ZZEF1: variants seen among roughly 807,000 people sequenced by gnomAD.
The protein encoded by ZZEF1 is zinc finger ZZ-type and EF-hand domain-containing protein 1.
A neutral mutation model predicts 342.8 loss-of-function variants in ZZEF1; 157 were observed. That is an observed-to-expected ratio of 0.46 (90% CI 0.40 to 0.52). The LOEUF (loss-of-function observed/expected upper bound fraction) is 0.52, where lower values mean the gene tolerates loss of function less well. Among genes scored for constraint, ZZEF1 ranks in the 20% least tolerant of loss-of-function variants. The pLI is 0.00. For synonymous variants in ZZEF1, 1,505 were observed against 1,429.1 expected (o/e 1.05, Z -1.20); for missense variants, 3,480 against 3,725.6 (o/e 0.93, Z 1.72).
At chr17:4,080,262 G>GA (rs138244819) in intron 18 of ZZEF1, among the ~76,000 whole-genome samples, 11,254 of 151,936 alleles carry the variant, frequency 0.074, 537 homozygotes, top group Middle Eastern at 0.12. Context: ...CACTAACACA[G>GA]AAAAAAGATA....
intron 11 of ZZEF1, among the ~76,000 whole-genome samples, chr17:4,092,129 A>G (rs2057956773): frequency 6.6e-6 from 1 of 151,378 alleles, no homozygotes; most frequent in African/African-American, 2.4e-5. Flanking sequence ...GGAGAAAAAG[A>G]GCAGTTTTTT....
At chr17:4,021,664 CAA>C (rs1051944099) in intron 44 of ZZEF1, among the ~76,000 whole-genome samples, 2 of 152,172 alleles carry the variant, frequency 1.3e-5, no homozygotes, top group African/African-American at 4.8e-5. Context: ...GTAAAATATA[CAA>C]AGTTATTTTC....
chr17:4,048,806 C>CG (rs2056981995), intron 37 of ZZEF1, among the ~76,000 whole-genome samples: 1 of 151,848 alleles, frequency 6.6e-6, no homozygotes, highest in Non-Finnish European at 1.5e-5. Context: ...CTCCGCCTCC[C>CG]GGGTTCAAGC....
chr17:4,041,760 T>TA (rs2056808549), intron 39 of ZZEF1, among the ~76,000 whole-genome samples: 1 of 152,142 alleles, frequency 6.6e-6, no homozygotes, highest in African/African-American at 2.4e-5. Context: ...AAGGCATACC[T>TA]AAACTGTTCA....
intron 5 of ZZEF1, among the ~76,000 whole-genome samples, chr17:4,111,291 A>C (rs1050040364): frequency 1.3e-5 from 2 of 152,156 alleles, no homozygotes; most frequent in Admixed American, 1.3e-4. Flanking sequence ...AATCATAGTA[A>C]CAATCCCTGG....
rs759673234 is a variant in ZZEF1 at position 4,066,491 on chromosome 17, T to C, written c.4205A>G (p.Glu1402Gly). ...CTCAGTAGCTTCTGAACTATGTTTTTCTTCTGCTTCATTCCCCAGGCTCAT... is the reference window on the plus strand; with the variant it reads ...CTCAGTAGCTTCTGAACTATGTTTTCCTTCTGCTTCATTCCCCAGGCTCAT... ...SLMSLGNEAE[E>G]KHSSEATEVN... The change falls in exon 28 of 55, where the codon GAA becomes GGA. Residue 1402 changes from glutamate (E) to glycine (G), a missense_variant. Around this residue, in one of 5 missense-constraint regions of ZZEF1, gnomAD observed 1,528 missense variants for 1,624.1 expected, o/e 0.94. Coordinates refer to ENST00000381638, the MANE Select transcript of ZZEF1 (RefSeq NM_015113.4). The C allele has an allele frequency of 1.2e-6, 2 of 1,614,156 alleles. No individual in the cohort carries two copies. Among genetic ancestry groups the C allele is most frequent in the African/African-American group, 1.3e-5 (1 of 75,032 alleles).
intron 2 of ZZEF1, among the ~76,000 whole-genome samples, chr17:4,121,727 ATTT>A (rs113730635): frequency 6.8e-6 from 1 of 146,762 alleles, no homozygotes; most frequent in African/African-American, 2.5e-5. Flanking sequence ...GGAGATACAC[ATTT>A]TTTTTTTTTT....
rs760280346 is a variant in ZZEF1, at chr17:4,075,153, C to T, written c.3427G>A (p.Ala1143Thr). Residue 1143 changes from alanine (A) to threonine (T), a missense_variant, in exon 23 of 55, where the codon GCT (alanine) becomes ACT (threonine). Coordinates refer to ENST00000381638, the MANE Select transcript of ZZEF1 (RefSeq NM_015113.4). ...TCATAGCGTGTTTTCCGACCTCTAG[C>T]GTCGGTAAATTCCAGATAATCATAC... is the stretch of plus-strand genomic sequence containing the variant. The part of the protein sequence containing the change: ...KRYDYLEFTD[A>T]RGRKTRYDTK... The T allele has an allele frequency of 1.5e-5, 24 of 1,614,088 alleles. No individual in the cohort carries two copies. The highest frequency in any genetic ancestry group is 1.2e-4 in the Admixed American group (7 of 60,004).
chr17:4,080,480 C>T (rs992411611), intron 18 of ZZEF1, among the ~76,000 whole-genome samples: 1 of 152,210 alleles, frequency 6.6e-6, no homozygotes, highest in Non-Finnish European at 1.5e-5. Flanking sequence ...GCTGGGATTA[C>T]AGGCATGTGC....
intron 45 of ZZEF1, among the ~76,000 whole-genome samples, chr17:4,020,582 C>T (rs1006364683): frequency 1.3e-5 from 2 of 152,184 alleles, no homozygotes; most frequent in Admixed American, 1.3e-4. Context: ...AGTGATCCTC[C>T]TGCCTCAGCC....
intron 6 of ZZEF1, among the ~76,000 whole-genome samples, chr17:4,109,334 C>T (rs980401560): frequency 6.6e-6 from 1 of 152,160 alleles, no homozygotes; most frequent in African/African-American, 2.4e-5. Context: ...TCCCAATGGA[C>T]AAGGAACAGG....
chr17:4,134,154 T>C (rs2058711609), intron 1 of ZZEF1, among the ~76,000 whole-genome samples: 1 of 151,782 alleles, frequency 6.6e-6, no homozygotes, highest in Admixed American at 6.6e-5. Context: ...AATTATGTAA[T>C]TTCCTAACAC....
chr17:4,105,129 A>G (rs2058190057), intron 7 of ZZEF1, among the ~76,000 whole-genome samples: 1 of 152,234 alleles, frequency 6.6e-6, no homozygotes, highest in African/African-American at 2.4e-5. Flanking sequence ...TTGAGGGTTT[A>G]TGCTTGAAGC....
At chr17:4,074,103 A>C in intron 24 of ZZEF1, 47 bp downstream of exon 24, 1 of 1,602,300 alleles carries the variant, frequency 6.2e-7, no homozygotes, top group Non-Finnish European at 8.5e-7. Context: ...CGCATCTTGC[A>C]CTTCACCGTG....
intron 1 of ZZEF1, among the ~76,000 whole-genome samples, chr17:4,133,120 G>T (rs898268532): frequency 2.6e-5 from 4 of 152,168 alleles, no homozygotes; most frequent in Non-Finnish European, 4.4e-5. Context: ...AATGATATTT[G>T]TAAGACTCAA....
intron 13 of ZZEF1, among the ~76,000 whole-genome samples, 198 bp downstream of exon 13, chr17:4,088,480 C>T (rs1448195180): frequency 6.6e-6 from 1 of 152,200 alleles, no homozygotes; most frequent in African/African-American, 2.4e-5. Context: ...CACTCACTGA[C>T]TCACAGGCCA....
chr17:4,050,901 T>G lies in ZZEF1; in HGVS notation c.5743A>C (p.Ser1915Arg). Residue 1915 changes from serine to arginine, a missense_variant, in exon 36 of 55, where the codon AGT (serine) becomes CGT (arginine). Transcript: ENST00000381638. ...TTCTCCCCATCCACATCCTCTGCAC[T>G]GGCCAGGTGGGCGCTATAGAGAGCC... ...ALALYSAHLA[S>R]AEDVDGEKLD... 3.1e-6 allele frequency: 5 copies of G among 1,614,186 alleles called. No homozygotes were observed. Among genetic ancestry groups the G allele is most frequent in the Non-Finnish European group, 4.2e-6 (5 of 1,180,022 alleles).
At chr17:4,139,623 G>A (rs1026031155) in intron 1 of ZZEF1, among the ~76,000 whole-genome samples, 1 of 152,210 alleles carries the variant, frequency 6.6e-6, no homozygotes, top group African/African-American at 2.4e-5. Context: ...TCAAATGCAT[G>A]GCTAAATCTT....
In ZZEF1 at chr17:4,109,538, G is replaced by T. The variant is rs926238317; in HGVS notation, c.1277+115C>A. ...AGGAAACACTAGGGCACCTGAGGCC[G>T]AGCTGACTGAGCCACAACGATCAAT... is the stretch of plus-strand genomic sequence containing the variant. On this transcript the variant is annotated intron_variant, in intron 6 of 54. Coordinates refer to ENST00000381638, the MANE Select transcript of ZZEF1 (RefSeq NM_015113.4). 3.4e-5 allele frequency: 38 copies of T among 1,116,706 alleles called. No individual in the cohort carries two copies. The East Asian group carries it at 9.4e-4, about 28-fold the overall frequency. 69.2% of individuals were successfully genotyped at this position (1,116,706 alleles called of 1,614,324 possible). A position where few individuals can be genotyped will look rare whatever the true frequency, so the allele number is the denominator to read the frequency against.
Sources: gnomAD v4.1 joint callset for allele counts (sites outside exome capture counted in the v4.1 genomes callset) on GRCh38, gnomAD v4.1.1 for gene constraint, gnomAD v4.1.1 regional missense constraint, MANE v1.5 for transcripts, NCBI Gene and HGNC (gene_info 2026-07-23, HGNC 2026-07-21) for gene names.